The following NRCAM variants were observed in gnomAD, a reference collection of about 807,000 sequenced individuals.
The protein encoded by NRCAM is NgCAM-related cell adhesion molecule.
NRCAM carries 83 observed loss-of-function variants against 156.5 expected under a neutral mutation model. The observed-to-expected ratio is 0.53, with a 90% CI of 0.44 to 0.64. NRCAM has a LOEUF of 0.64. NRCAM is among the 30% of genes least tolerant of loss of function. NRCAM has a pLI of 0.00. For missense variants in NRCAM, 1,417 were observed against 1,597.3 expected (o/e 0.89, Z 1.92); for synonymous variants, 538 against 563.9 (o/e 0.95, Z 0.65).
intron 2 of NRCAM, among the ~76,000 whole-genome samples, chr7:108,318,790 C>G (rs10953561): frequency 0.65 from 99,046 of 152,062 alleles, 33,061 homozygotes; most frequent in East Asian, 0.93. Flanking sequence ...TCTCCCCTAG[C>G]CATCCTAGCC....
At chr7:108,250,650 CAAA>C (rs1031964075) in intron 3 of NRCAM, among the ~76,000 whole-genome samples, 1 of 108,278 alleles carries the variant, frequency 9.2e-6, no homozygotes, top group African/African-American at 3.4e-5. Context: ...TTATTAGGTA[CAAA>C]AAAAAAAAAT....
chr7:108,160,112 T>C (rs577183277), intron 31 of NRCAM, among the ~76,000 whole-genome samples: 1 of 152,262 alleles, frequency 6.6e-6, no homozygotes, highest in East Asian at 1.9e-4. Flanking sequence ...CTATGTGGAG[T>C]CTAAGAAAGT....
rs372717631 is a variant in NRCAM at position 108,312,324 on chromosome 7, A to G, written c.-107+341T>C. Among the ~76,000 whole-genome samples, 89 of 152,248 alleles carry G rather than the reference A, an allele frequency of 5.8e-4. 2 individuals carry two copies. The South Asian group carries it at 0.017, about 29-fold the overall frequency. On this transcript the variant is annotated intron_variant, in intron 3 of 32. Transcript: ENST00000379028. The stretch of plus-strand genomic sequence containing the variant: ...TATTTTCTTGTAAATGATTCCCTAT[A>G]ATTTTTAATCTTTAGTCCCTTTATA...
At chr7:108,207,706 A>G (rs753119010) in intron 12 of NRCAM, 47 bp from the exon 13 acceptor site, 1 of 1,532,910 alleles carries the variant, frequency 6.5e-7, no homozygotes, top group African/African-American at 1.4e-5. Flanking sequence ...TCAAATAAGC[A>G]TTTTAGCAAA....
At chr7:108,437,547 A>G (rs974032892) in intron 1 of NRCAM, among the ~76,000 whole-genome samples, 2 of 152,192 alleles carry the variant, frequency 1.3e-5, no homozygotes, top group African/African-American at 4.8e-5. Flanking sequence ...TGTACCTCAT[A>G]ACTATACACA....
At chr7:108,253,978 C>T (rs949227639) in intron 3 of NRCAM, among the ~76,000 whole-genome samples, 3 of 152,196 alleles carry the variant, frequency 2.0e-5, no homozygotes, top group Non-Finnish European at 2.9e-5. Flanking sequence ...ACTGCCAAAT[C>T]CCTGGCTGTG....
intron 2 of NRCAM, among the ~76,000 whole-genome samples, chr7:108,356,112 C>T (rs1406159984): frequency 6.6e-6 from 1 of 152,074 alleles, no homozygotes; most frequent in African/African-American, 2.4e-5. Flanking sequence ...CCACATCTGG[C>T]TAATTTTTGT....
At chr7:108,391,451 T>C (rs2099759535) in intron 2 of NRCAM, among the ~76,000 whole-genome samples, 2 of 152,126 alleles carry the variant, frequency 1.3e-5, no homozygotes, top group South Asian at 4.1e-4. Context: ...ATCCCTTTAT[T>C]TTGAGCCTAT....
chr7:108,320,387 G>A (rs1267055404), intron 2 of NRCAM, among the ~76,000 whole-genome samples: 5 of 152,260 alleles, frequency 3.3e-5, no homozygotes, highest in African/African-American at 1.2e-4. Flanking sequence ...GAGTCTGGCA[G>A]GTCGAGGCAG....
At chr7:108,176,323 A>C (rs2060481300) in intron 27 of NRCAM, 107 bp downstream of exon 27, 1 of 936,584 alleles carries the variant, frequency 1.1e-6, no homozygotes, top group Non-Finnish European at 1.7e-6. Flanking sequence ...TGTTTGCGTT[A>C]ATCAGGTAAG....
chr7:108,327,931 G>A (rs541635402), intron 2 of NRCAM, among the ~76,000 whole-genome samples: 3 of 152,206 alleles, frequency 2.0e-5, no homozygotes, highest in African/African-American at 7.2e-5. Context: ...GAAAATAAGG[G>A]AGAATAAGGC....
Position 108,343,346 on chromosome 7 carries a change from T to C in NRCAM, c.-173-30615A>G, listed in dbSNP as rs555498057. ...TTCCTAACTTCCGAGGGAACACCTA[T>C]CAAACATCAGGAAGCCATTAGGAGA... is the stretch of plus-strand genomic sequence containing the variant. On this transcript the variant is annotated intron_variant, in intron 2 of 32. Coordinates refer to ENST00000379028, the MANE Select transcript of NRCAM (RefSeq NM_001037132.4). Among the ~76,000 whole-genome samples the C allele has an allele frequency of 2.0e-5, 3 of 152,214 alleles. No homozygotes were observed. In the East Asian group the frequency reaches 5.8e-4, roughly 29 times the overall value.
At chr7:108,353,465 A>G (rs1202264479) in intron 2 of NRCAM, among the ~76,000 whole-genome samples, 1 of 147,358 alleles carries the variant, frequency 6.8e-6, no homozygotes, top group East Asian at 2.0e-4. Flanking sequence ...AGCTACAGGC[A>G]TGTGCCACCA....
At chr7:108,279,268 C>T (rs999727906) in intron 3 of NRCAM, among the ~76,000 whole-genome samples, 1 of 152,024 alleles carries the variant, frequency 6.6e-6, no homozygotes, top group African/African-American at 2.4e-5. Context: ...AATTTTATTT[C>T]CTTTGTTTTT....
Position 108,302,753 on chromosome 7 carries a change from C to A in NRCAM, c.-107+9912G>T, listed in dbSNP as rs547724053. Among the ~76,000 whole-genome samples, 6 of 152,188 alleles carry A rather than the reference C, an allele frequency of 3.9e-5. No individual in the cohort carries two copies. The South Asian group carries it at 1.2e-3, about 32-fold the overall frequency. ...TTTCTCATCTTCTATGTCCTTTCAC[C>A]AAACTTTCCTAAAATATAGATGCCA... On this transcript the variant is annotated intron_variant, in intron 3 of 32. Coordinates refer to ENST00000379028, the MANE Select transcript of NRCAM (RefSeq NM_001037132.4).
chr7:108,404,165 C>T (rs1321380766), intron 1 of NRCAM, among the ~76,000 whole-genome samples: 1 of 152,016 alleles, frequency 6.6e-6, no homozygotes. Flanking sequence ...AGGGAGAGCC[C>T]GATGCACGAG....
At chr7:108,314,395 C>T (rs2098852289) in intron 2 of NRCAM, among the ~76,000 whole-genome samples, 1 of 152,100 alleles carries the variant, frequency 6.6e-6, no homozygotes, top group East Asian at 1.9e-4. Context: ...TTTCCAATAA[C>T]CAAGTAACAA....
chr7:108,433,800 G>A (rs1042680818), intron 1 of NRCAM, among the ~76,000 whole-genome samples: 42 of 152,158 alleles, frequency 2.8e-4, no homozygotes, highest in African/African-American at 9.4e-4. Flanking sequence ...GCAGAACCGT[G>A]AGCCAAATAA....
Position 108,232,422 on chromosome 7 carries a change from C to G in NRCAM, c.331G>C (p.Glu111Gln), listed in dbSNP as rs140770274. The part of the protein sequence containing the change: ...TGTLIINIMS[E>Q]GKAETYEGVY... The stretch of plus-strand genomic sequence containing the variant: ...CCTTCATAGGTCTCAGCTTTCCCTT[C>G]GCTCATGATGTTAATTATGAGCGTT... Residue 111 changes from glutamate (E) to glutamine (Q), a missense_variant, in exon 7 of 33, where the codon GAA (glutamate) becomes CAA (glutamine). Physicochemically the swap from Glu to Gln is conservative, Grantham distance 29 (BLOSUM62 2). This residue lies in a region of NRCAM where 1,238 missense variants were observed against 1,336.4 expected (regional missense o/e 0.93). Coordinates refer to ENST00000379028, the MANE Select transcript of NRCAM (RefSeq NM_001037132.4). 1.0e-4 allele frequency: 166 copies of G among 1,613,724 alleles called. 1 individual carries two copies. In the African/African-American group the frequency reaches 2.1e-3, roughly 20 times the overall value.
Sources: allele counts gnomAD v4.1 joint callset (sites outside exome capture counted in the v4.1 genomes callset), GRCh38; gene constraint gnomAD v4.1.1; regional missense constraint gnomAD v4.1.1; transcripts MANE v1.5; gene names NCBI Gene and HGNC (gene_info 2026-07-23, HGNC 2026-07-21).